Variants in LYST observed in about 807,000 individuals in gnomAD.
LYST encodes the protein lysosomal-trafficking regulator.
Under a neutral mutation model 413.6 loss-of-function variants are expected in LYST, and 192 were observed. That is an observed-to-expected ratio of 0.46 (90% CI 0.41 to 0.52). LYST has a LOEUF of 0.52. LYST is among the 20% of genes least tolerant of loss of function. LYST has a pLI of 0.00. For missense variants in LYST, 3,815 were observed against 4,499.9 expected (o/e 0.85, Z 4.35); for synonymous variants, 1,525 against 1,567.3 (o/e 0.97, Z 0.64).
intron 48 of LYST, among the ~76,000 whole-genome samples, chr1:235,685,063 C>T (rs557249616): frequency 6.6e-6 from 1 of 152,196 alleles, no homozygotes; most frequent in Non-Finnish European, 1.5e-5. Context: ...TTGCCACCCC[C>T]CAAAATCCCC....
chr1:235,713,129 C>T (rs1262983127), intron 42 of LYST: 1 of 985,090 alleles, frequency 1.0e-6, no homozygotes, highest in Admixed American at 6.2e-5. Context: ...ATTACTTTCT[C>T]ATCTATTCTG....
intron 16 of LYST, among the ~76,000 whole-genome samples, chr1:235,778,893 T>TTTGA (rs1167528632): frequency 6.7e-6 from 1 of 149,458 alleles, no homozygotes; most frequent in Non-Finnish European, 1.5e-5. Context: ...TGAGACAGAG[T>TTTGA]TTGACTCTTG....
intron 22 of LYST, among the ~76,000 whole-genome samples, chr1:235,760,593 G>A (rs1289998733): frequency 2.0e-5 from 3 of 152,196 alleles, no homozygotes; most frequent in Non-Finnish European, 4.4e-5. Context: ...CTGTGGGATT[G>A]TTGGGACTTC....
chr1:235,783,887 T>C, intron 14 of LYST, among the ~76,000 whole-genome samples: 2 of 147,632 alleles, frequency 1.4e-5, no homozygotes, highest in East Asian at 3.9e-4. Context: ...TTTTTTTTTT[T>C]CTTTTAAATT....
intron 39 of LYST, among the ~76,000 whole-genome samples, chr1:235,723,115 A>G (rs1663532715): frequency 6.6e-6 from 1 of 152,200 alleles, no homozygotes; most frequent in Non-Finnish European, 1.5e-5. Context: ...AGAGTCTTGG[A>G]TAATCTCAAG....
chr1:235,738,101 C>T, intron 31 of LYST: 2 of 1,606,996 alleles, frequency 1.2e-6, no homozygotes. Flanking sequence ...TTGGCATGGC[C>T]TGTGCCATCG....
chr1:235,681,892 T>A (rs1370376435), intron 48 of LYST, among the ~76,000 whole-genome samples: 1 of 152,174 alleles, frequency 6.6e-6, no homozygotes, highest in Non-Finnish European at 1.5e-5. Flanking sequence ...AATTCTGTAA[T>A]CTGCTGCTTG....
intron 31 of LYST, chr1:235,736,485 T>C (rs1337650786): frequency 6.6e-6 from 1 of 151,970 alleles, no homozygotes; most frequent in Non-Finnish European, 1.5e-5. Flanking sequence ...AGCATGACTG[T>C]AAAAATAAAC....
intron 19 of LYST, among the ~76,000 whole-genome samples, chr1:235,771,087 A>G (rs1166769953): frequency 6.6e-6 from 1 of 152,202 alleles, no homozygotes; most frequent in African/African-American, 2.4e-5. Context: ...CAAGATATTG[A>G]TAGACTTAAT....
At chr1:235,746,283 C>T in intron 29 of LYST, 53 bp downstream of exon 29, 1 of 1,524,216 alleles carries the variant, frequency 6.6e-7, no homozygotes, top group Non-Finnish European at 9.1e-7. Flanking sequence ...TCTTAGATTA[C>T]TTCTCTTTCA....
intron 46 of LYST, 89 bp downstream of exon 46, chr1:235,696,994 G>T: frequency 7.9e-7 from 1 of 1,261,362 alleles, no homozygotes; most frequent in Non-Finnish European, 1.1e-6. Flanking sequence ...TTTCCACCAA[G>T]GACTCAAAGT....
rs755381657 is a variant in LYST at position 235,697,087 on chromosome 1, T to C, written c.10560A>G (p.Glu3520=). 7.4e-6 allele frequency: 12 copies of C among 1,613,400 alleles called. No homozygotes were observed. Among genetic ancestry groups the C allele is most frequent in the Non-Finnish European group, 9.3e-6 (11 of 1,179,418 alleles). Residue 3520 remains glutamate (E), a synonymous_variant, in exon 46 of 53, where the codon GAA becomes GAG. Transcript: ENST00000389793. The part of the protein sequence containing the change: ...NFCLLMTYSK[E]QGVRSMNSTD... The stretch of plus-strand genomic sequence containing the variant: ...CTTCGTTACATTTTATTTTACCTTG[T>C]TCCTTGCTATATGTCATCAGAAGAC...
chr1:235,868,158 CTT>C (rs746237892), upstream of LYST, among the ~76,000 whole-genome samples: 5 of 151,866 alleles, frequency 3.3e-5, no homozygotes, highest in African/African-American at 7.3e-5. Context: ...GGCAGGTAGT[CTT>C]TTATTTTTAT....
chr1:235,813,477 C>T (rs923394487), intron 3 of LYST, among the ~76,000 whole-genome samples: 9 of 151,850 alleles, frequency 5.9e-5, no homozygotes, highest in Non-Finnish European at 1.0e-4. Flanking sequence ...AACTCAGAGA[C>T]GATTTTAAAA....
chr1:235,736,224 A>T (rs570701317), intron 31 of LYST: 1 of 152,262 alleles, frequency 6.6e-6, no homozygotes, highest in African/African-American at 2.4e-5. Context: ...GCCCTTAAAA[A>T]ACTGATTTAA....
chr1:235,772,432 A>G (rs1434251720), intron 19 of LYST, among the ~76,000 whole-genome samples: 1 of 151,936 alleles, frequency 6.6e-6, no homozygotes, highest in African/African-American at 2.4e-5. Flanking sequence ...TGCAAAAATC[A>G]TCAGTACCTA....
intron 1 of LYST, among the ~76,000 whole-genome samples, chr1:235,880,059 A>G (rs141195871): frequency 3.5e-4 from 54 of 152,352 alleles, no homozygotes; most frequent in African/African-American, 1.2e-3. Flanking sequence ...TAAGTTTCTC[A>G]GAAGAGTGAA....
At chr1:235,666,030 A>C (rs545381148) in intron 50 of LYST, among the ~76,000 whole-genome samples, 1 of 152,214 alleles carries the variant, frequency 6.6e-6, no homozygotes, top group Non-Finnish European at 1.5e-5. Flanking sequence ...TCTTTTATTA[A>C]GACAATGAAA....
In LYST at chr1:235,724,038, T is replaced by C. The variant is rs767284526; in HGVS notation, c.9305A>G (p.Asp3102Gly). 5.6e-6 allele frequency: 9 copies of C among 1,613,460 alleles called. No individual in the cohort carries two copies. The South Asian group carries it at 9.9e-5, about 18-fold the overall frequency. Residue 3102 changes from aspartate to glycine, a missense_variant, in exon 39 of 53, where the codon GAT becomes GGT. Physicochemically the swap from Asp to Gly is moderately conservative, Grantham distance 94. This residue lies in a region of LYST where 866 missense variants were observed against 1,156.0 expected (regional missense o/e 0.75). Transcript: ENST00000389793. ...TNGRTLLLAF[D>G]NTKVRDDVYH... ...TAAGGGTGAATTTACCTTGGTGTTA[T>C]CAAATGCCAACAGGAGTGTTCTGCC...
Sources: allele counts gnomAD v4.1 joint callset (sites outside exome capture counted in the v4.1 genomes callset), GRCh38; gene constraint gnomAD v4.1.1; regional missense constraint gnomAD v4.1.1; transcripts MANE v1.5; gene names NCBI Gene and HGNC (gene_info 2026-07-23, HGNC 2026-07-21).